The following GABRB2 variants were observed in gnomAD, a reference collection of about 807,000 sequenced individuals.
The protein encoded by GABRB2 is gamma-aminobutyric acid type A receptor subunit beta2.
In GABRB2, 16 loss-of-function variants were observed where a neutral mutation model predicts 54.7. That is an observed-to-expected ratio of 0.29 (90% confidence interval 0.20 to 0.44). The LOEUF (loss-of-function observed/expected upper bound fraction) is 0.44, where lower values mean the gene tolerates loss of function less well. GABRB2 is among the 20% of genes least tolerant of loss of function. The pLI, the probability that GABRB2 is intolerant of heterozygous loss-of-function variation, is 1.00. For missense variants in GABRB2, 355 were observed against 644.0 expected (o/e 0.55, Z 4.86); for synonymous variants, 244 against 233.8 (o/e 1.04, Z -0.40).
chr5:161,385,756 A>G (rs1463859519), intron 5 of GABRB2, among the ~76,000 whole-genome samples: 1 of 152,174 alleles, frequency 6.6e-6, no homozygotes, highest in Non-Finnish European at 1.5e-5. Flanking sequence ...GTAAATACAT[A>G]AGCTTAGTCT....
At chr5:161,336,126 T>A (rs938804136) in intron 6 of GABRB2, among the ~76,000 whole-genome samples, 5 of 152,158 alleles carry the variant, frequency 3.3e-5, no homozygotes, top group Non-Finnish European at 5.9e-5. Flanking sequence ...GGGATAATCT[T>A]AACACCTGAA....
chr5:161,538,481 C>T (rs143807340), intron 3 of GABRB2, among the ~76,000 whole-genome samples: 4 of 152,246 alleles, frequency 2.6e-5, no homozygotes, highest in East Asian at 1.9e-4. Context: ...AAAGGAAAGA[C>T]GTAAGCTAGG....
intron 5 of GABRB2, among the ~76,000 whole-genome samples, chr5:161,370,891 G>A (rs192253423): frequency 3.9e-5 from 6 of 152,238 alleles, no homozygotes; most frequent in East Asian, 3.9e-4. Flanking sequence ...CAGACTTTAC[G>A]TTTTGGAAAA....
At chr5:161,440,620 C>A (rs997878614) in intron 4 of GABRB2, among the ~76,000 whole-genome samples, 1 of 151,824 alleles carries the variant, frequency 6.6e-6, no homozygotes, top group African/African-American at 2.4e-5. Flanking sequence ...AGATATAGGC[C>A]CCAATACAAC....
chr5:161,359,828 A>G (rs1754749873), intron 5 of GABRB2, among the ~76,000 whole-genome samples: 1 of 152,190 alleles, frequency 6.6e-6, no homozygotes, highest in Non-Finnish European at 1.5e-5. Context: ...CATGCTTGTA[A>G]TCCCAGCACT....
chr5:161,330,466 T>A, intron 8 of GABRB2: 1 of 156,842 alleles, frequency 6.4e-6, no homozygotes, highest in Non-Finnish European at 1.4e-5. Context: ...CTAGTATAAA[T>A]TAGAACTTAA....
At chr5:161,438,303 T>C (rs575579243) in intron 4 of GABRB2, among the ~76,000 whole-genome samples, 3 of 152,292 alleles carry the variant, frequency 2.0e-5, no homozygotes, top group Non-Finnish European at 4.4e-5. Context: ...ATCAAAGTGG[T>C]ACCTTTACAA....
chr5:161,436,819 T>C (rs1051548915), intron 4 of GABRB2, among the ~76,000 whole-genome samples: 1 of 152,116 alleles, frequency 6.6e-6, no homozygotes, highest in Non-Finnish European at 1.5e-5. Flanking sequence ...AGAGCATCTC[T>C]GGTTGCTGGG....
chr5:161,448,318 G>A (rs1440626979), intron 4 of GABRB2, among the ~76,000 whole-genome samples: 1 of 152,134 alleles, frequency 6.6e-6, no homozygotes, highest in Admixed American at 6.6e-5. Flanking sequence ...AGCTACTGGG[G>A]AGGCTGAGGT....
chr5:161,331,888 G>A (rs1173284299), intron 7 of GABRB2, among the ~76,000 whole-genome samples: 2 of 152,044 alleles, frequency 1.3e-5, no homozygotes, highest in African/African-American at 2.4e-5. Flanking sequence ...CCAGTTGGCC[G>A]GGCGCGGTGG....
intron 9 of GABRB2, among the ~76,000 whole-genome samples, chr5:161,316,403 A>G (rs183761174): frequency 1.3e-5 from 2 of 152,266 alleles, no homozygotes; most frequent in Admixed American, 1.3e-4. Context: ...TGTCACTGGA[A>G]TCTTGACTCT....
intron 4 of GABRB2, among the ~76,000 whole-genome samples, chr5:161,433,685 C>A (rs1006685686): frequency 6.6e-6 from 1 of 152,048 alleles, no homozygotes; most frequent in African/African-American, 2.4e-5. Flanking sequence ...GAATTACCCT[C>A]TTCTCATCAA....
rs1753823271 is a variant in GABRB2 at position 161,331,063 on chromosome 5, G to T, written c.897C>A (p.Ile299=). 2 of 1,609,524 alleles carry T rather than the reference G, an allele frequency of 1.2e-6. No homozygotes were observed. Among genetic ancestry groups the T allele is most frequent in the African/African-American group, 1.3e-5 (1 of 74,762 alleles). Residue 299 remains isoleucine, a synonymous_variant, in exon 8 of 10, where the codon ATC becomes ATA. Coordinates refer to ENST00000393959, the MANE Select transcript of GABRB2 (RefSeq NM_001371727.1). ...NTHLRETLPK[I]PYVKAIDMYL... is the part of the protein sequence containing the mutation. Reference sequence around the variant, plus strand: ...ACATGTCAATGGCCTTCACATAGGGGATTTTAGGGAGAGTTTCCCGGAGGT... The same window carrying T: ...ACATGTCAATGGCCTTCACATAGGGTATTTTAGGGAGAGTTTCCCGGAGGT...
intron 4 of GABRB2, among the ~76,000 whole-genome samples, chr5:161,441,078 C>T (rs1205499038): frequency 6.6e-6 from 1 of 152,064 alleles, no homozygotes; most frequent in Non-Finnish European, 1.5e-5. Flanking sequence ...GCAGTACCTG[C>T]AAGCACAGGC....
intron 7 of GABRB2, among the ~76,000 whole-genome samples, chr5:161,331,801 C>CAATTTGCATTTAGAACAATCACTGTGGT: frequency 6.6e-6 from 1 of 151,904 alleles, no homozygotes; most frequent in South Asian, 2.1e-4. Context: ...AGCAAGGGGG[C>CAATTTGCATTTAGAACAATCACTGTGGT]AATTTGCATT....
At chr5:161,436,674 T>G (rs1398533847) in intron 4 of GABRB2, among the ~76,000 whole-genome samples, 5 of 152,064 alleles carry the variant, frequency 3.3e-5, no homozygotes, top group African/African-American at 7.2e-5. Context: ...TCATAAGAAC[T>G]AAATATCAAG....
intron 3 of GABRB2, among the ~76,000 whole-genome samples, chr5:161,511,425 T>G (rs1759764207): frequency 6.6e-6 from 1 of 152,030 alleles, no homozygotes; most frequent in African/African-American, 2.4e-5. Context: ...CTGTTCTTAT[T>G]AAGCTACTAG....
At chr5:161,421,218 A>G (rs1756837784) in intron 4 of GABRB2, among the ~76,000 whole-genome samples, 1 of 152,118 alleles carries the variant, frequency 6.6e-6, no homozygotes, top group Non-Finnish European at 1.5e-5. Flanking sequence ...TTTATTAAGG[A>G]CCACCACCTG....
chr5:161,435,079 GTTA>G (rs1757271480), intron 4 of GABRB2, among the ~76,000 whole-genome samples: 1 of 152,148 alleles, frequency 6.6e-6, no homozygotes, highest in Admixed American at 6.5e-5. Flanking sequence ...TATGGGTCTA[GTTA>G]TTATTATAGA....
Sources: gnomAD v4.1 joint callset for allele counts (sites outside exome capture counted in the v4.1 genomes callset) on GRCh38, gnomAD v4.1.1 for gene constraint, MANE v1.5 for transcripts, NCBI Gene and HGNC (gene_info 2026-07-23, HGNC 2026-07-21) for gene names.